Variants in PDE4D observed in about 807,000 individuals in gnomAD.
PDE4D encodes 3',5'-cyclic-AMP phosphodiesterase 4D.
A neutral mutation model predicts 87.4 loss-of-function variants in PDE4D; 24 were observed. That is an observed-to-expected ratio of 0.27 (90% CI 0.20 to 0.39). The LOEUF is 0.39. PDE4D is among the 10% of genes least tolerant of loss of function. The pLI is 1.00. For missense variants in PDE4D, 714 were observed against 1,041.0 expected (o/e 0.69, Z 4.32); for synonymous variants, 384 against 383.2 (o/e 1.00, Z -0.02).
At chr5:59,031,357 AAT>A (rs1757352624) in intron 6 of PDE4D, among the ~76,000 whole-genome samples, 1 of 54,228 alleles carries the variant, frequency 1.8e-5, no homozygotes, top group Non-Finnish European at 3.3e-5. Context: ...GCATAAAGAA[AAT>A]GTGATATATA....
chr5:60,129,076 G>A lies in PDE4D; in HGVS notation c.42+56481C>T, dbSNP rs181672120. On this transcript the variant is annotated intron_variant, in intron 2 of 16. Transcript: ENST00000502484. ...ATATTGTGTTACAGTGATTTAAATA[G>A]TAATTAAGCAAAATGTAGTTCTCTC... 3.3e-3 allele frequency among the ~76,000 whole-genome samples: 500 copies of A among 152,288 alleles called. 3 individuals carry two copies. The highest frequency in any genetic ancestry group is 6.1e-3 in the Non-Finnish European group (415 of 68,008).
intron 2 of PDE4D, among the ~76,000 whole-genome samples, chr5:60,169,075 C>A (rs1290654888): frequency 6.6e-6 from 1 of 152,036 alleles, no homozygotes; most frequent in Non-Finnish European, 1.5e-5. Flanking sequence ...ATAAGATAAC[C>A]TACCAGAATA....
intron 1 of PDE4D, among the ~76,000 whole-genome samples, chr5:59,686,846 G>A (rs890572083): frequency 6.6e-6 from 1 of 152,034 alleles, no homozygotes; most frequent in African/African-American, 2.4e-5. Context: ...AAATGACTGG[G>A]GAGTTACCAA....
chr5:59,580,965 T>C (rs2153699851), intron 1 of PDE4D, among the ~76,000 whole-genome samples: 1 of 152,256 alleles, frequency 6.6e-6, no homozygotes, highest in African/African-American at 2.4e-5. Context: ...TATGGAGAGA[T>C]ATATATGTAT....
At chr5:60,081,117 T>TGTGTTCAG (rs1448626756) in intron 2 of PDE4D, among the ~76,000 whole-genome samples, 3 of 151,842 alleles carry the variant, frequency 2.0e-5, no homozygotes, top group Non-Finnish European at 4.4e-5. Flanking sequence ...GTAGGATGTA[T>TGTGTTCAG]GTGTTCAGGA....
intron 3 of PDE4D, among the ~76,000 whole-genome samples, chr5:59,977,947 T>G (rs996344660): frequency 6.6e-6 from 1 of 152,172 alleles, no homozygotes; most frequent in African/African-American, 2.4e-5. Context: ...TGGATGACAG[T>G]GTATCTGTTT....
chr5:59,000,642 A>G (rs988177403), intron 6 of PDE4D, among the ~76,000 whole-genome samples: 3 of 152,196 alleles, frequency 2.0e-5, no homozygotes, highest in African/African-American at 7.2e-5. Flanking sequence ...TAAGGAATGC[A>G]GTGTTTTGTA....
chr5:59,479,902 A>G (rs1163347059), intron 1 of PDE4D, among the ~76,000 whole-genome samples: 1 of 152,134 alleles, frequency 6.6e-6, no homozygotes, highest in African/African-American at 2.4e-5. Flanking sequence ...TTCTGAGAGA[A>G]TAATCATGGC....
At chr5:59,722,221 G>A (rs1293069011) in intron 1 of PDE4D, among the ~76,000 whole-genome samples, 1 of 152,180 alleles carries the variant, frequency 6.6e-6, no homozygotes, top group Non-Finnish European at 1.5e-5. Flanking sequence ...TTAGGACAAT[G>A]CCAAAAATGG....
intron 5 of PDE4D, among the ~76,000 whole-genome samples, chr5:59,110,692 C>T (rs1454817541): frequency 1.3e-5 from 2 of 151,944 alleles, no homozygotes; most frequent in Non-Finnish European, 2.9e-5. Flanking sequence ...AGTGTCATGG[C>T]GAGACCCGAT....
chr5:60,073,628 C>G (rs1772975523), intron 2 of PDE4D, among the ~76,000 whole-genome samples: 1 of 151,580 alleles, frequency 6.6e-6, no homozygotes, highest in South Asian at 2.1e-4. Flanking sequence ...TAGAATTTGG[C>G]TGTGATATGA....
At chr5:59,856,360 A>G (rs1745432386) in intron 1 of PDE4D, among the ~76,000 whole-genome samples, 1 of 152,130 alleles carries the variant, frequency 6.6e-6, no homozygotes, top group Non-Finnish European at 1.5e-5. Context: ...AAAGAAAGTC[A>G]GAATTAAATA....
intron 1 of PDE4D, among the ~76,000 whole-genome samples, chr5:59,382,996 TA>T (rs1786198660): frequency 6.6e-6 from 1 of 152,244 alleles, no homozygotes; most frequent in African/African-American, 2.4e-5. Flanking sequence ...CATAAATGCT[TA>T]GTGCGGTATC....
At chr5:60,496,818 G>GA (rs1749834434) in intron 1 of PDE4D, among the ~76,000 whole-genome samples, 2 of 152,160 alleles carry the variant, frequency 1.3e-5, no homozygotes, top group Admixed American at 6.5e-5. Context: ...TAACTGTTCA[G>GA]ATTTAAATTA....
At chr5:59,682,205 G>T (rs1749141563) in intron 1 of PDE4D, among the ~76,000 whole-genome samples, 1 of 152,136 alleles carries the variant, frequency 6.6e-6, no homozygotes, top group South Asian at 2.1e-4. Context: ...AGAAATTGAG[G>T]AATAACAGCA....
intron 1 of PDE4D, among the ~76,000 whole-genome samples, chr5:59,323,250 T>C (rs1477193378): frequency 2.0e-5 from 3 of 152,128 alleles, no homozygotes; most frequent in Non-Finnish European, 4.4e-5. Flanking sequence ...ATTCTCCCAC[T>C]AATTCTTTCT....
intron 6 of PDE4D, among the ~76,000 whole-genome samples, chr5:58,997,095 G>A (rs1384166213): frequency 1.3e-5 from 2 of 152,146 alleles, no homozygotes; most frequent in African/African-American, 2.4e-5. Context: ...ACTCTAGGAA[G>A]ACGGTCTAAG....
chr5:60,420,198 T>G (rs1303233514), intron 1 of PDE4D, among the ~76,000 whole-genome samples: 1 of 152,216 alleles, frequency 6.6e-6, no homozygotes, highest in Non-Finnish European at 1.5e-5. Flanking sequence ...AAATAAATAC[T>G]ACTTTGACAC....
At chr5:60,285,818 T>C (rs914528782) in intron 1 of PDE4D, among the ~76,000 whole-genome samples, 9 of 152,230 alleles carry the variant, frequency 5.9e-5, no homozygotes, top group African/African-American at 2.2e-4. Flanking sequence ...GGTCTATTTG[T>C]ACAAACCCTG....
Sources: allele counts gnomAD v4.1 joint callset (sites outside exome capture counted in the v4.1 genomes callset), GRCh38; gene constraint gnomAD v4.1.1; transcripts MANE v1.5; gene names NCBI Gene and HGNC (gene_info 2026-07-23, HGNC 2026-07-21).